The following UPF2 variants were observed in gnomAD, a reference collection of about 807,000 sequenced individuals.
UPF2 encodes the protein regulator of nonsense transcripts 2.
In UPF2, 17 loss-of-function variants were observed where a neutral mutation model predicts 141.4. That is an observed-to-expected ratio of 0.12 (90% CI 0.08 to 0.18). The LOEUF is 0.18. Among genes scored for constraint, UPF2 ranks in the 10% least tolerant of loss-of-function variants. The probability of loss-of-function intolerance (pLI) is 1.00; values close to 1 mark genes in which losing one functional copy is unlikely to be tolerated. For synonymous variants in UPF2, 540 were observed against 498.0 expected, an observed-to-expected ratio of 1.08 and a Z score of -1.12; for missense variants, 1,152 against 1,515.9, an observed-to-expected ratio of 0.76 and a Z score of 3.99.
chr10:11,934,090 G>A (rs1246010791), intron 19 of UPF2, among the ~76,000 whole-genome samples: 2 of 152,190 alleles, frequency 1.3e-5, no homozygotes, highest in East Asian at 3.8e-4. Flanking sequence ...GTGATGGGGG[G>A]AATGGAGGAG....
At chr10:11,997,802 T>G in intron 7 of UPF2, 45 bp from the exon 8 acceptor site, 1 of 1,534,878 alleles carries the variant, frequency 6.5e-7, no homozygotes, top group Non-Finnish European at 9.0e-7. Flanking sequence ...CTCTAATTAG[T>G]TACGGAGAGC....
At chr10:11,928,773 CT>C (rs1250163204) in intron 21 of UPF2, 4 of 291,678 alleles carry the variant, frequency 1.4e-5, no homozygotes, top group South Asian at 8.7e-5. Context: ...TTTTCAAATT[CT>C]TTATAGAGTT....
chr10:11,951,943 A>G (rs1833080340), intron 15 of UPF2, 123 bp downstream of exon 15: 1 of 1,015,358 alleles, frequency 9.8e-7, no homozygotes, highest in African/African-American at 1.6e-5. Context: ...ACTACTACGT[A>G]ACACTCAACA....
At chr10:11,990,119 G>A (rs1032332760) in intron 8 of UPF2, among the ~76,000 whole-genome samples, 7 of 152,196 alleles carry the variant, frequency 4.6e-5, no homozygotes, top group Admixed American at 1.3e-4. Flanking sequence ...TTTGCTTCAA[G>A]GTAAATTACA....
At chr10:11,987,246 G>A (rs960125680) in intron 8 of UPF2, among the ~76,000 whole-genome samples, 1 of 152,144 alleles carries the variant, frequency 6.6e-6, no homozygotes, top group African/African-American at 2.4e-5. Flanking sequence ...GATGATCTGC[G>A]CAGCAAACCA....
chr10:11,955,844 G>GT (rs767842716), intron 13 of UPF2, among the ~76,000 whole-genome samples: 1 of 152,068 alleles, frequency 6.6e-6, no homozygotes, highest in African/African-American at 2.4e-5. Context: ...GGGTTTTACA[G>GT]TAAGAGGAAA....
rs1834748547 is a variant in UPF2, at chr10:12,042,211, C to A, written c.-19+544G>T. On this transcript the variant is annotated intron_variant, in intron 1 of 21. Transcript: ENST00000357604. The surrounding 1 kb of genome is among the most constrained non-coding windows in gnomAD (Gnocchi z 5.5). ...CTCTAAACCCACCACACTTCCCCGA[C>A]ACAACTCCCCTTCCCACAGGTATCC... Among the ~76,000 whole-genome samples, 1 of 151,732 alleles carries A rather than the reference C, an allele frequency of 6.6e-6. No homozygotes were observed. Among genetic ancestry groups the A allele is most frequent in the Admixed American group, 6.6e-5 (1 of 15,216 alleles).
At position 12,004,518 on chromosome 10, in the gene UPF2, T is replaced by A. The variant is rs565185914; in HGVS notation, c.1504+12A>T. ...TAGCACTTAATGTAAATATTTTTTC[T>A]CTAGAATTTACCTTTGGTATCATCT... is the stretch of plus-strand genomic sequence containing the variant. On this transcript the variant is annotated intron_variant, in intron 5 of 21. Transcript: ENST00000357604. 9 of 1,594,230 alleles carry A rather than the reference T, an allele frequency of 5.6e-6. No individual in the cohort carries two copies. In the South Asian group the frequency reaches 1.0e-4, roughly 18 times the overall value.
chr10:11,998,634 C>T lies in UPF2; in HGVS notation c.1759-877G>A, dbSNP rs1232144848. ...CTGGGAGGCCGAGGTGGGTGGATCA[C>T]GTGAGGTCAGGAGTTCAAGACCAGC... On this transcript the variant is annotated intron_variant, in intron 7 of 21. Transcript: ENST00000357604. This position sits in a 1 kb window ranked among gnomAD's most constrained non-coding sequence, Gnocchi z 4.5. Among the ~76,000 whole-genome samples, 5 of 152,080 alleles carry T rather than the reference C, an allele frequency of 3.3e-5. No individual in the cohort carries two copies. The highest frequency in any genetic ancestry group is 2.1e-4 in the South Asian group (1 of 4,822).
Position 12,029,331 on chromosome 10 carries a change from C to G in UPF2, c.559G>C (p.Asp187His). 1 of 1,614,142 alleles carries G rather than the reference C, an allele frequency of 6.2e-7. No individual in the cohort carries two copies. ...CCATTAAAATCATGGGACAAGGAGT[C>G]TCTCTGTTGTTCTGTAATAGTTTTT... Reference protein sequence around the residue: ...KLKTITEQQRDSLSHDFNGLN... With the variant: ...KLKTITEQQRHSLSHDFNGLN... The change falls in exon 3 of 22, where the codon GAC (aspartate) becomes CAC (histidine). Residue 187 changes from aspartate (D) to histidine (H), a missense_variant. Transcript: ENST00000357604.
At chr10:11,946,502 C>T (rs1833001631) in intron 16 of UPF2, among the ~76,000 whole-genome samples, 1 of 152,108 alleles carries the variant, frequency 6.6e-6, no homozygotes, top group Non-Finnish European at 1.5e-5. Flanking sequence ...AATTAAATTT[C>T]CCCAAAACAC....
chr10:11,996,378 C>T (rs1418765969), intron 8 of UPF2, among the ~76,000 whole-genome samples: 1 of 150,198 alleles, frequency 6.7e-6, no homozygotes, highest in Admixed American at 6.6e-5. Flanking sequence ...GATGGAATCT[C>T]GCTCTGTTGC....
chr10:12,002,123 T>G (rs1467433335), intron 5 of UPF2, among the ~76,000 whole-genome samples: 1 of 151,768 alleles, frequency 6.6e-6, no homozygotes, highest in African/African-American at 2.4e-5. Context: ...ATACAAAAAT[T>G]AACTGGGCAT....
intron 8 of UPF2, among the ~76,000 whole-genome samples, chr10:11,996,353 CTT>C (rs11339849): frequency 2.1e-3 from 293 of 142,044 alleles, no homozygotes; most frequent in Non-Finnish European, 3.3e-3. Context: ...TTCATTCAAC[CTT>C]TTTTTTTTTT....
rs1834744098 is a variant in UPF2 at position 12,042,024 on chromosome 10, T to C, written c.-19+731A>G. On this transcript the variant is annotated intron_variant, in intron 1 of 21. Coordinates refer to ENST00000357604, the MANE Select transcript of UPF2 (RefSeq NM_015542.4). This position sits in a 1 kb window ranked among gnomAD's most constrained non-coding sequence, Gnocchi z 5.5. ...AACAGTCCTAGCAAGAAGAGAGTGC[T>C]TGGCGCCTTGAAGAGGTGAAGGTAA... Among the ~76,000 whole-genome samples, 1 of 152,158 alleles carries C rather than the reference T, an allele frequency of 6.6e-6. No individual in the cohort carries two copies. Among genetic ancestry groups the C allele is most frequent in the East Asian group, 1.9e-4 (1 of 5,198 alleles).
chr10:11,934,583 A>C (rs1391646684), intron 19 of UPF2, among the ~76,000 whole-genome samples: 1 of 152,048 alleles, frequency 6.6e-6, no homozygotes, highest in Non-Finnish European at 1.5e-5. Flanking sequence ...CTCCATGATT[A>C]TTTTATTTAT....
chr10:11,994,805 T>A (rs1192675221), intron 8 of UPF2, among the ~76,000 whole-genome samples: 2 of 151,302 alleles, frequency 1.3e-5, no homozygotes, highest in South Asian at 2.1e-4. Flanking sequence ...TAAAACCCCA[T>A]CTCTACTAAA....
At chr10:11,957,673 C>T (rs1309032521) in intron 12 of UPF2, among the ~76,000 whole-genome samples, 1 of 151,954 alleles carries the variant, frequency 6.6e-6, no homozygotes, top group Non-Finnish European at 1.5e-5. Context: ...TGCGCCAACA[C>T]ACTCAGCTAA....
intron 8 of UPF2, among the ~76,000 whole-genome samples, chr10:11,996,278 G>A (rs903284311): frequency 5.3e-5 from 8 of 151,700 alleles, no homozygotes; most frequent in South Asian, 2.1e-4. Flanking sequence ...ATAAGACTAC[G>A]AGATCTATTT....
Sources: allele counts gnomAD v4.1 joint callset (sites outside exome capture counted in the v4.1 genomes callset), GRCh38; gene constraint gnomAD v4.1.1; non-coding constraint Gnocchi (gnomAD v3.1); transcripts MANE v1.5; gene names NCBI Gene and HGNC (gene_info 2026-07-23, HGNC 2026-07-21).